WIPF3: variants seen among roughly 807,000 people sequenced by gnomAD.
The protein encoded by WIPF3 is WAS/WASL-interacting protein family member 3.
A neutral mutation model predicts 38.9 loss-of-function variants in WIPF3; 33 were observed. That is an observed-to-expected ratio of 0.85 (90% confidence interval 0.64 to 1.14). The LOEUF (loss-of-function observed/expected upper bound fraction) is 1.14, where lower values mean the gene tolerates loss of function less well. Among genes scored for constraint, WIPF3 ranks in the 50% most tolerant of loss-of-function variants. The pLI is 0.00. For synonymous variants in WIPF3, 324 were observed against 269.3 expected (o/e 1.20, Z -1.99); for missense variants, 711 against 652.5 (o/e 1.09, Z -0.98).
chr7:29,856,039 A>G (rs1007112822), intron 2 of WIPF3, among the ~76,000 whole-genome samples: 1 of 152,188 alleles, frequency 6.6e-6, no homozygotes, highest in Non-Finnish European at 1.5e-5. Context: ...TTAGATATGT[A>G]TGTATATATG....
intron 8 of WIPF3, among the ~76,000 whole-genome samples, chr7:29,913,650 G>A (rs537516331): frequency 1.4e-4 from 22 of 152,298 alleles, no homozygotes; most frequent in African/African-American, 5.1e-4. Flanking sequence ...GATGGAAGCT[G>A]GAGAGATACC....
At position 29,914,740 on chromosome 7, in the gene WIPF3, T is replaced by G. The variant is rs574031159; in HGVS notation, c.*224T>G. Reference sequence around the variant, plus strand: ...CCCCTCATTTTTCCATTTTTTGCATTGCATCTTGGCATTTGTCAGCACAGA... The same window carrying G: ...CCCCTCATTTTTCCATTTTTTGCATGGCATCTTGGCATTTGTCAGCACAGA... On this transcript the variant is annotated 3_prime_UTR_variant, in exon 9 of 9. Coordinates refer to ENST00000242140, the MANE Select transcript of WIPF3 (RefSeq NM_001080529.3). 13 of 368,030 alleles carry G rather than the reference T, an allele frequency of 3.5e-5. No homozygotes were observed. The highest frequency in any genetic ancestry group is 1.7e-4 in the African/African-American group (8 of 47,274). 22.8% of individuals were successfully genotyped at this position (368,030 alleles called of 1,614,324 possible). A position where few individuals can be genotyped will look rare whatever the true frequency, so the allele number is the denominator to read the frequency against.
At chr7:29,875,561 T>C (rs749907170) in intron 2 of WIPF3, among the ~76,000 whole-genome samples, 7 of 152,098 alleles carry the variant, frequency 4.6e-5, no homozygotes, top group African/African-American at 1.7e-4. Context: ...AGAGGGGCTA[T>C]GATTTAGGGC....
At position 29,915,182 on chromosome 7, in the gene WIPF3, T is replaced by C. The variant is rs1394274245; in HGVS notation, c.*666T>C. On this transcript the variant is annotated 3_prime_UTR_variant, in exon 9 of 9. Coordinates refer to ENST00000242140, the MANE Select transcript of WIPF3 (RefSeq NM_001080529.3). ...TCCGATGCCAACCACAGGGCCCCTT[T>C]TGTAACTGAATAATCCTCCAAGTAG... 1 of 149,826 alleles carries C rather than the reference T, an allele frequency of 6.7e-6. No individual in the cohort carries two copies. Among genetic ancestry groups the C allele is most frequent in the Non-Finnish European group, 1.5e-5 (1 of 67,578 alleles). 9.3% of individuals were successfully genotyped at this position (149,826 alleles called of 1,614,324 possible).
intron 8 of WIPF3, chr7:29,905,994 A>T (rs1278273545): frequency 6.6e-6 from 1 of 152,226 alleles, no homozygotes; most frequent in Non-Finnish European, 1.5e-5. Context: ...GATTCTTAGC[A>T]CAGAGACAGC....
chr7:29,866,379 A>G (rs1224949228), intron 2 of WIPF3, among the ~76,000 whole-genome samples: 4 of 152,204 alleles, frequency 2.6e-5, no homozygotes, highest in Admixed American at 1.3e-4. Flanking sequence ...CCTGCAGCCA[A>G]TAGGGAGACA....
At chr7:29,820,442 TG>T (rs1269183251) in intron 1 of WIPF3, among the ~76,000 whole-genome samples, 2 of 152,180 alleles carry the variant, frequency 1.3e-5, no homozygotes, top group African/African-American at 4.8e-5. Context: ...TTATGTGTTC[TG>T]TTTTCTATTT....
At chr7:29,808,925 A>C (rs1387596133) in intron 1 of WIPF3, among the ~76,000 whole-genome samples, 4 of 152,174 alleles carry the variant, frequency 2.6e-5, no homozygotes, top group Non-Finnish European at 4.4e-5. Flanking sequence ...AGGGAAACAT[A>C]GAATTTTCAC....
intron 2 of WIPF3, among the ~76,000 whole-genome samples, chr7:29,837,988 G>T (rs1301232677): frequency 6.6e-6 from 1 of 152,036 alleles, no homozygotes; most frequent in African/African-American, 2.4e-5. Context: ...GCACTATCTC[G>T]GCTCACTGCA....
At chr7:29,826,540 T>C (rs1784619284) in intron 1 of WIPF3, among the ~76,000 whole-genome samples, 1 of 152,324 alleles carries the variant, frequency 6.6e-6, no homozygotes, top group East Asian at 1.9e-4. Context: ...AAATAATGGC[T>C]GTGTTTATTC....
chr7:29,908,849 A>C (rs924098059), intron 8 of WIPF3, among the ~76,000 whole-genome samples: 2 of 151,456 alleles, frequency 1.3e-5, no homozygotes, highest in African/African-American at 2.4e-5. Context: ...CAGAGGTTGC[A>C]GTAAGCCAAG....
chr7:29,843,928 G>A (rs1784958829), intron 2 of WIPF3, among the ~76,000 whole-genome samples: 2 of 152,046 alleles, frequency 1.3e-5, no homozygotes, highest in Admixed American at 1.3e-4. Flanking sequence ...CACATCTAGT[G>A]GTGCTGGACT....
Position 29,889,326 on chromosome 7 carries a change from A to T in WIPF3, c.1270A>T (p.Thr424Ser). The T allele has an allele frequency of 6.2e-7, 1 of 1,613,864 alleles. No homozygotes were observed. Among genetic ancestry groups the T allele is most frequent in the East Asian group, 2.2e-5 (1 of 44,880 alleles). ...TGCAGATGACTTCGAGTCTAAATTC[A>T]CGTTCCATTCTGTGGAAGACTTTCC... ...HIIDDFESKF[T>S]FHSVEDFPPP... Residue 424 changes from threonine to serine, a missense_variant, in exon 7 of 9, where the codon ACG (threonine) becomes TCG (serine). Transcript: ENST00000242140.
chr7:29,823,021 G>A lies in WIPF3; in HGVS notation c.-57-11647G>A, dbSNP rs2214755. On this transcript the variant is annotated intron_variant, in intron 1 of 8. Coordinates refer to ENST00000242140, the MANE Select transcript of WIPF3 (RefSeq NM_001080529.3). This position sits in a 1 kb window ranked among gnomAD's most constrained non-coding sequence, Gnocchi z 4.0. ...TTGGAAAAACTTTGTTTTTTGGACA[G>A]GATCATATGCAATTTTAAATTTCTT... 0.025 allele frequency among the ~76,000 whole-genome samples: 3,752 copies of A among 152,256 alleles called. 131 individuals are homozygous for A. Among genetic ancestry groups the A allele is most frequent in the African/African-American group, 0.077 (3,194 of 41,546 alleles).
intron 2 of WIPF3, among the ~76,000 whole-genome samples, chr7:29,846,889 T>G (rs1055752706): frequency 1.3e-5 from 2 of 152,214 alleles, no homozygotes; most frequent in Non-Finnish European, 2.9e-5. Context: ...AAGCAGAATT[T>G]CAGCTGTGCC....
At chr7:29,879,191 G>T in intron 4 of WIPF3, 51 bp downstream of exon 4, 1 of 1,582,148 alleles carries the variant, frequency 6.3e-7, no homozygotes, top group Admixed American at 1.7e-5. Context: ...TCCTTAACTT[G>T]TGGAACCATC....
Position 29,834,739 on chromosome 7 carries a change from G to A in WIPF3, c.15G>A (p.Pro5=), listed in dbSNP as rs997239906. 1.2e-5 allele frequency: 18 copies of A among 1,504,930 alleles called. 1 individual carries two copies. The highest frequency in any genetic ancestry group is 1.1e-4 in the South Asian group (8 of 75,886). 93.2% of individuals were successfully genotyped at this position (1,504,930 alleles called of 1,614,324 possible). The change falls in exon 2 of 9, where the codon CCG becomes CCA. Residue 5 remains proline (P), a synonymous_variant. Coordinates refer to ENST00000242140, the MANE Select transcript of WIPF3 (RefSeq NM_001080529.3). ...CACCGTGACACATGCCAGTGCCACC[G>A]CCACCCCCACCTCCTCTGCCTCCAC... MPVP[P]PPPPPLPPPP...
chr7:29,845,443 C>T (rs991950250), intron 2 of WIPF3, among the ~76,000 whole-genome samples: 2 of 152,178 alleles, frequency 1.3e-5, no homozygotes, highest in African/African-American at 2.4e-5. Flanking sequence ...AACCTGAATC[C>T]AGAGAAACCA....
At chr7:29,874,047 G>C (rs1291219641) in intron 2 of WIPF3, among the ~76,000 whole-genome samples, 1 of 152,096 alleles carries the variant, frequency 6.6e-6, no homozygotes, top group East Asian at 1.9e-4. Context: ...TGAAAAACAT[G>C]GTCATTTCTG....
Sources: gnomAD v4.1 joint callset for allele counts (sites outside exome capture counted in the v4.1 genomes callset) on GRCh38, gnomAD v4.1.1 for gene constraint, Gnocchi (gnomAD v3.1) non-coding constraint, MANE v1.5 for transcripts, NCBI Gene and HGNC (gene_info 2026-07-23, HGNC 2026-07-21) for gene names.